The following TAS2R1 variants were observed in gnomAD, a reference collection of about 807,000 sequenced individuals.
The protein encoded by TAS2R1 is taste receptor type 2 member 1.
For missense variants in TAS2R1, 370 were observed against 353.4 expected (o/e 1.05, Z -0.38); for synonymous variants, 141 against 134.2 (o/e 1.05, Z -0.35).
the TAS2R1 span, among the ~76,000 whole-genome samples, chr5:9,861,685 TG>T: frequency 6.6e-6 from 1 of 152,136 alleles, no homozygotes; most frequent in Non-Finnish European, 1.5e-5. Flanking sequence ...TGGTACAGAA[TG>T]GGTGTGTATA....
At chr5:9,664,255 C>T (rs1200005906) in intron 1 of TAS2R1, among the ~76,000 whole-genome samples, 1 of 152,202 alleles carries the variant, frequency 6.6e-6, no homozygotes, top group African/African-American at 2.4e-5. Flanking sequence ...ACCGTCTAGC[C>T]TCCTTTGAGT....
chr5:9,761,818 A>C, the TAS2R1 span, among the ~76,000 whole-genome samples: 1 of 152,238 alleles, frequency 6.6e-6, no homozygotes, highest in Admixed American at 6.5e-5. Context: ...ACCACATCTT[A>C]GCCTGGTTCC....
the TAS2R1 span, among the ~76,000 whole-genome samples, chr5:9,719,760 C>CA: frequency 6.0e-3 from 898 of 149,422 alleles, 8 homozygotes; most frequent in African/African-American, 0.021. Context: ...ACTAAAAATA[C>CA]AAAAAAAATT....
chr5:9,824,635 T>C, the TAS2R1 span, among the ~76,000 whole-genome samples: 1 of 151,600 alleles, frequency 6.6e-6, no homozygotes, highest in African/African-American at 2.4e-5. Context: ...TCACCTGAGG[T>C]CAGGAGTTTG....
the TAS2R1 span, among the ~76,000 whole-genome samples, chr5:9,850,248 C>T: frequency 1.3e-5 from 2 of 152,176 alleles, no homozygotes; most frequent in Admixed American, 6.5e-5. Context: ...TGTCTACAAA[C>T]TCTCTATGTG....
the TAS2R1 span, chr5:9,863,253 G>A: frequency 2.6e-5 from 4 of 151,096 alleles, no homozygotes; most frequent in East Asian, 7.8e-4. Flanking sequence ...GAAAGCGGCT[G>A]AGACCCAAAG....
the TAS2R1 span, among the ~76,000 whole-genome samples, chr5:9,900,903 C>T: frequency 4.6e-5 from 7 of 152,086 alleles, no homozygotes; most frequent in Non-Finnish European, 7.4e-5. Context: ...ATTTAATTTG[C>T]GTGGGGAAGA....
At chr5:9,637,614 G>A (rs1739989456) in intron 2 of TAS2R1, among the ~76,000 whole-genome samples, 2 of 151,912 alleles carry the variant, frequency 1.3e-5, no homozygotes, top group African/African-American at 4.8e-5. Context: ...TGGAAGCTTT[G>A]TTCATTTTTT....
chr5:9,826,483 CTTAT>C, the TAS2R1 span, among the ~76,000 whole-genome samples: 2 of 152,116 alleles, frequency 1.3e-5, no homozygotes, highest in East Asian at 1.9e-4. Context: ...TCATTGGTTT[CTTAT>C]TTATTCTTGC....
chr5:9,684,810 C>A (rs1196009757), intron 1 of TAS2R1, among the ~76,000 whole-genome samples: 1 of 152,096 alleles, frequency 6.6e-6, no homozygotes, highest in Non-Finnish European at 1.5e-5. Context: ...ATCAAAATCT[C>A]ACTCTGTTGC....
At chr5:9,897,988 C>G in the TAS2R1 span, among the ~76,000 whole-genome samples, 1 of 152,172 alleles carries the variant, frequency 6.6e-6, no homozygotes, top group South Asian at 2.1e-4. Flanking sequence ...AATTTCATAA[C>G]AATGTATTTT....
At chr5:9,825,772 C>T in the TAS2R1 span, among the ~76,000 whole-genome samples, 6 of 152,312 alleles carry the variant, frequency 3.9e-5, 1 homozygote, top group South Asian at 4.1e-4. Context: ...ATAGCTGTCA[C>T]GCTCAAATTG....
At chr5:9,831,010 A>C in the TAS2R1 span, among the ~76,000 whole-genome samples, 1 of 152,186 alleles carries the variant, frequency 6.6e-6, no homozygotes, top group South Asian at 2.1e-4. Context: ...GGAAAAATCT[A>C]AGTCCATTGG....
At chr5:9,858,086 G>A in the TAS2R1 span, among the ~76,000 whole-genome samples, 1 of 152,116 alleles carries the variant, frequency 6.6e-6, no homozygotes, top group Non-Finnish European at 1.5e-5. Context: ...TGGCCCTAGG[G>A]TGGGCCTAGA....
the TAS2R1 span, among the ~76,000 whole-genome samples, chr5:9,842,321 T>C: frequency 7.1e-6 from 1 of 141,264 alleles, no homozygotes; most frequent in Non-Finnish European, 1.5e-5. Context: ...TCTCTCTTTT[T>C]TTTTTTTTTT....
the TAS2R1 span, among the ~76,000 whole-genome samples, chr5:9,871,201 G>A: frequency 2.6e-5 from 4 of 152,064 alleles, no homozygotes; most frequent in African/African-American, 9.7e-5. Flanking sequence ...AAAAAGGAGA[G>A]AATTGGATTA....
At chr5:9,817,828 G>A in the TAS2R1 span, among the ~76,000 whole-genome samples, 1 of 151,736 alleles carries the variant, frequency 6.6e-6, no homozygotes, top group Admixed American at 6.6e-5. Flanking sequence ...GGTAGAAGGT[G>A]AAGGGGAAGC....
intron 2 of TAS2R1, among the ~76,000 whole-genome samples, chr5:9,644,998 G>T (rs1348062435): frequency 2.0e-5 from 3 of 152,068 alleles, no homozygotes; most frequent in African/African-American, 7.2e-5. Flanking sequence ...TAATAAATTT[G>T]ATTATCTATG....
chr5:9,793,526 G>C, the TAS2R1 span, among the ~76,000 whole-genome samples: 32 of 152,254 alleles, frequency 2.1e-4, no homozygotes, highest in African/African-American at 7.7e-4. Context: ...CATAAGATAG[G>C]AGGCCTTGGA....
Sources: allele counts gnomAD v4.1 joint callset (sites outside exome capture counted in the v4.1 genomes callset), GRCh38; gene constraint gnomAD v4.1.1; transcripts MANE v1.5; gene names NCBI Gene and HGNC (gene_info 2026-07-23, HGNC 2026-07-21).